The following BRD10 variants were observed in gnomAD, a reference collection of about 807,000 sequenced individuals.
The protein encoded by BRD10 is bromodomain containing 10, also known as uncharacterized bromodomain-containing protein 10.
the BRD10 span, chr9:5,913,911 G>A: frequency 7.7e-6 from 3 of 391,084 alleles, no homozygotes; most frequent in African/African-American, 2.1e-5. Context: ...AATATCAGCT[G>A]TGTAACATCA....
chr9:6,007,377 C>T, the BRD10 span: 11 of 1,612,714 alleles, frequency 6.8e-6, no homozygotes, highest in Admixed American at 1.0e-4. Context: ...GCAGCAGACA[C>T]ATGCCCTGTC....
chr9:5,924,803 A>G, the BRD10 span: 1 of 1,553,702 alleles, frequency 6.4e-7, no homozygotes, highest in Non-Finnish European at 8.7e-7. Context: ...TATCATGATC[A>G]GGTTGTCTTC....
At chr9:5,960,606 A>C in the BRD10 span, among the ~76,000 whole-genome samples, 1 of 151,592 alleles carries the variant, frequency 6.6e-6, no homozygotes, top group African/African-American at 2.4e-5. Flanking sequence ...TGACTATTTG[A>C]GGGGGGAAAA....
At chr9:5,980,280 C>T in the BRD10 span, among the ~76,000 whole-genome samples, 1 of 152,250 alleles carries the variant, frequency 6.6e-6, no homozygotes, top group African/African-American at 2.4e-5. Flanking sequence ...ACCAGTTCCC[C>T]CAAGACTGCC....
the BRD10 span, among the ~76,000 whole-genome samples, chr9:5,942,062 G>A: frequency 1.1e-4 from 17 of 151,914 alleles, no homozygotes; most frequent in East Asian, 3.1e-3. Context: ...CTTGTTACTG[G>A]AGCCATTATC....
At chr9:5,908,300 C>T in the BRD10 span, among the ~76,000 whole-genome samples, 2 of 152,148 alleles carry the variant, frequency 1.3e-5, no homozygotes, top group Non-Finnish European at 2.9e-5. Flanking sequence ...ACAACGATCT[C>T]TGTGGTAAAG....
chr9:5,920,557 A>G, the BRD10 span: 1 of 1,613,972 alleles, frequency 6.2e-7, no homozygotes, highest in South Asian at 1.1e-5. Flanking sequence ...GACTTGTTGA[A>G]AGGGACGACA....
At chr9:5,959,443 T>A in the BRD10 span, among the ~76,000 whole-genome samples, 1 of 152,196 alleles carries the variant, frequency 6.6e-6, no homozygotes, top group Non-Finnish European at 1.5e-5. Flanking sequence ...TTTTGAAGTC[T>A]TCATGAAGAT....
the BRD10 span, among the ~76,000 whole-genome samples, chr9:5,967,510 T>C: frequency 2.5e-3 from 376 of 152,226 alleles, 1 homozygote; most frequent in African/African-American, 8.8e-3. Context: ...CCACATATTT[T>C]CTTGATATAA....
the BRD10 span, among the ~76,000 whole-genome samples, chr9:5,997,099 G>T: frequency 6.6e-6 from 1 of 152,222 alleles, no homozygotes; most frequent in Non-Finnish European, 1.5e-5. Flanking sequence ...AGAAAGGCAG[G>T]AAAGCTAGAG....
the BRD10 span, among the ~76,000 whole-genome samples, chr9:5,893,869 C>T: frequency 6.6e-6 from 1 of 152,034 alleles, no homozygotes; most frequent in Non-Finnish European, 1.5e-5. Flanking sequence ...CCGTTCCTTT[C>T]AAGGGGCACA....
At chr9:5,978,706 A>T in the BRD10 span, among the ~76,000 whole-genome samples, 1 of 152,122 alleles carries the variant, frequency 6.6e-6, no homozygotes, top group Admixed American at 6.6e-5. Context: ...AAGCCCAACC[A>T]CACTTAGAAG....
the BRD10 span, among the ~76,000 whole-genome samples, chr9:5,992,496 T>C: frequency 2.0e-5 from 3 of 149,646 alleles, no homozygotes; most frequent in South Asian, 4.3e-4. Flanking sequence ...AAATAATCAA[T>C]GGCCAAATAA....
chr9:5,934,329 G>C, the BRD10 span, among the ~76,000 whole-genome samples: 1 of 150,682 alleles, frequency 6.6e-6, no homozygotes, highest in Non-Finnish European at 1.5e-5. Flanking sequence ...TGGTAGAGAA[G>C]GTATTAAATA....
At chr9:5,999,371 T>TTATA in the BRD10 span, among the ~76,000 whole-genome samples, 1 of 151,834 alleles carries the variant, frequency 6.6e-6, no homozygotes, top group Non-Finnish European at 1.5e-5. Flanking sequence ...CCTGATACAT[T>TTATA]TATATATATA....
chr9:5,892,980 C>T, the BRD10 span, among the ~76,000 whole-genome samples: 1 of 152,164 alleles, frequency 6.6e-6, no homozygotes, highest in Non-Finnish European at 1.5e-5. Context: ...GTGTGTGACT[C>T]AGCCCACAGC....
chr9:5,971,052 C>T, the BRD10 span, among the ~76,000 whole-genome samples: 1 of 43,196 alleles, frequency 2.3e-5, no homozygotes, highest in Non-Finnish European at 4.7e-5. Flanking sequence ...AGCAACGTCT[C>T]AAAAAAAAAA....
the BRD10 span, among the ~76,000 whole-genome samples, chr9:5,913,053 C>T: frequency 6.6e-6 from 1 of 152,164 alleles, no homozygotes; most frequent in African/African-American, 2.4e-5. Flanking sequence ...ATGCATTTCC[C>T]TGCAAGATTC....
chr9:5,892,248 G>A, the BRD10 span, among the ~76,000 whole-genome samples: 7 of 152,242 alleles, frequency 4.6e-5, no homozygotes, highest in Admixed American at 3.3e-4. Flanking sequence ...TCAGTTAGTA[G>A]GAGGGGTTAG....
Sources: gnomAD v4.1 joint callset for allele counts (sites outside exome capture counted in the v4.1 genomes callset) on GRCh38, gnomAD v4.1.1 for gene constraint, MANE v1.5 for transcripts, NCBI Gene and HGNC (gene_info 2026-07-23, HGNC 2026-07-21) for gene names.